The following NAA11 variants were observed in gnomAD, a reference collection of about 807,000 sequenced individuals.
NAA11 encodes the protein N-alpha-acetyltransferase 11, NatA catalytic subunit.
In NAA11, 15 loss-of-function variants were observed where a neutral mutation model predicts 16.1. The ratio of observed to expected loss-of-function variants is 0.93; its 90% CI spans 0.62 to 1.44. The LOEUF is 1.44. Ranked by LOEUF, NAA11 falls within the 40% of genes most tolerant of loss-of-function variation. The probability of loss-of-function intolerance (pLI) is 0.00; values close to 1 mark genes in which losing one functional copy is unlikely to be tolerated. For missense variants in NAA11, 298 were observed against 291.3 expected, an observed-to-expected ratio of 1.02 and a Z score of -0.17; for synonymous variants, 122 against 112.4, an observed-to-expected ratio of 1.09 and a Z score of -0.54.
chr4:79,268,867 A>T (rs1722413088), intron 2 of NAA11, among the ~76,000 whole-genome samples: 1 of 92,968 alleles, frequency 1.1e-5, no homozygotes, highest in Non-Finnish European at 2.0e-5. Flanking sequence ...CCACCCCACC[A>T]CAGTCCCCAG....
chr4:79,280,869 T>C (rs886507846), intron 2 of NAA11, among the ~76,000 whole-genome samples: 6 of 152,066 alleles, frequency 3.9e-5, no homozygotes, highest in African/African-American at 9.7e-5. Context: ...AGGGACTACA[T>C]TGAGGAAAGC....
chr4:79,181,615 G>T, the NAA11 span, among the ~76,000 whole-genome samples: 1 of 152,192 alleles, frequency 6.6e-6, no homozygotes, highest in Non-Finnish European at 1.5e-5. Context: ...TTATAGTTAA[G>T]TTTCTTGGTT....
downstream of NAA11, among the ~76,000 whole-genome samples, chr4:79,222,437 C>T (rs918303926): frequency 2.6e-4 from 39 of 150,810 alleles, no homozygotes; most frequent in African/African-American, 9.5e-4. Flanking sequence ...AACTGGCTAG[C>T]CATATGTAGA....
At chr4:79,297,512 A>C (rs961736762) in intron 1 of NAA11, among the ~76,000 whole-genome samples, 5 of 152,210 alleles carry the variant, frequency 3.3e-5, no homozygotes, top group Non-Finnish European at 7.3e-5. Flanking sequence ...CTGTCCCCTC[A>C]GGCTGGGCAG....
chr4:79,178,875 A>G, the NAA11 span, among the ~76,000 whole-genome samples: 1 of 152,212 alleles, frequency 6.6e-6, no homozygotes, highest in East Asian at 1.9e-4. Context: ...TGAAAGAAAA[A>G]GCATTACAGG....
At position 79,263,857 on chromosome 4, in the gene NAA11, A is replaced by G. The variant is rs77694801; in HGVS notation, c.*122+30148T>C. ...CACTTCCACTTTATCTTCACTAAGG[A>G]AATAAAAGCCAAATGAAGACAACCT... On this transcript the variant is annotated intron_variant and NMD_transcript_variant, in intron 2 of 2. Transcript: ENST00000511542. Among the ~76,000 whole-genome samples the G allele has an allele frequency of 6.0e-3, 920 of 152,302 alleles. 21 individuals are homozygous for G. In the East Asian group the frequency reaches 0.08, roughly 13 times the overall value.
chr4:79,265,254 C>A (rs879886866), intron 2 of NAA11, among the ~76,000 whole-genome samples: 9 of 152,160 alleles, frequency 5.9e-5, no homozygotes, highest in Non-Finnish European at 1.2e-4. Flanking sequence ...CTCCAACTCA[C>A]CCTCATTTCT....
Position 79,325,467 on chromosome 4 carries a change from G to A in NAA11, c.411C>T (p.Tyr137=). The change falls in exon 1 of 2, where the codon TAC becomes TAT. Residue 137 remains tyrosine (Y), a synonymous_variant. Coordinates refer to ENST00000286794, the MANE Select transcript of NAA11 (RefSeq NM_032693.3). ...NFQISEVEPK[Y]YADGEDAYAM... is the part of the protein sequence containing the mutation. Reference sequence around the variant, plus strand: ...CATAAGCATCTTCCCCATCTGCATAGTATTTAGGTTCCACCTCACTAATCT... The same window carrying A: ...CATAAGCATCTTCCCCATCTGCATAATATTTAGGTTCCACCTCACTAATCT... 1 of 1,614,202 alleles carries A rather than the reference G, an allele frequency of 6.2e-7. No individual in the cohort carries two copies. The highest frequency in any genetic ancestry group is 8.5e-7 in the Non-Finnish European group (1 of 1,180,036).
rs4246719 is a variant in NAA11, at chr4:79,264,962, C to T, written c.*122+29043G>A. Among the ~76,000 whole-genome samples the T allele has an allele frequency of 7.8e-3, 1,191 of 152,282 alleles. 13 individuals carry two copies. The highest frequency in any genetic ancestry group is 0.027 in the African/African-American group (1,132 of 41,558). ...CCATATTCAAATACCCAATTGCCTA[C>T]TCATGTTCTCTGTTTGAATATCAAA... On this transcript the variant is annotated intron_variant and NMD_transcript_variant, in intron 2 of 2. Coordinates refer to the NAA11 transcript ENST00000511542.
At chr4:79,257,671 A>G (rs1396477742) in intron 2 of NAA11, among the ~76,000 whole-genome samples, 1 of 152,100 alleles carries the variant, frequency 6.6e-6, no homozygotes, top group Admixed American at 6.5e-5. Context: ...AAAGCTTTTT[A>G]AAATTTCTAA....
At chr4:79,289,572 T>G (rs1723031685) in intron 2 of NAA11, among the ~76,000 whole-genome samples, 1 of 152,186 alleles carries the variant, frequency 6.6e-6, no homozygotes, top group Admixed American at 6.5e-5. Flanking sequence ...ATGTTCCTTG[T>G]GAAGAAAAAG....
chr4:79,307,568 C>T (rs1214812779), intron 1 of NAA11, among the ~76,000 whole-genome samples: 2 of 152,004 alleles, frequency 1.3e-5, no homozygotes, highest in African/African-American at 4.8e-5. Context: ...TATGATCTTT[C>T]CTCTTCTTTT....
At chr4:79,202,623 T>TTTTATATATATA in the NAA11 span, among the ~76,000 whole-genome samples, 2 of 52,638 alleles carry the variant, frequency 3.8e-5, no homozygotes, top group African/African-American at 9.1e-5. Flanking sequence ...ATATATAGTT[T>TTTTATATATATA]TATATATATA....
chr4:79,216,080 T>A, the NAA11 span, among the ~76,000 whole-genome samples: 2 of 152,134 alleles, frequency 1.3e-5, no homozygotes, highest in Non-Finnish European at 1.5e-5. Flanking sequence ...AATTTTATTT[T>A]AAAAATATTA....
At chr4:79,297,475 C>G (rs543791878) in intron 1 of NAA11, among the ~76,000 whole-genome samples, 2 of 152,316 alleles carry the variant, frequency 1.3e-5, no homozygotes, top group African/African-American at 4.8e-5. Flanking sequence ...CTGCACTTTG[C>G]ACCCTCAGGA....
intron 2 of NAA11, among the ~76,000 whole-genome samples, chr4:79,236,594 AATTT>A (rs1321333822): frequency 1.3e-5 from 2 of 152,150 alleles, no homozygotes; most frequent in South Asian, 4.1e-4. Flanking sequence ...ATTTGAAAAA[AATTT>A]ATGAGTTAAT....
At chr4:79,210,093 A>C in the NAA11 span, among the ~76,000 whole-genome samples, 1 of 152,270 alleles carries the variant, frequency 6.6e-6, no homozygotes, top group Non-Finnish European at 1.5e-5. Context: ...CTAATTGAAG[A>C]GACAACCTGA....
intron 2 of NAA11, among the ~76,000 whole-genome samples, chr4:79,245,768 G>A (rs951074286): frequency 6.6e-6 from 1 of 150,494 alleles, no homozygotes; most frequent in African/African-American, 2.5e-5. Context: ...GGGAGGTAGG[G>A]GGGCGCCTCC....
At chr4:79,252,100 G>T (rs1478327343) in intron 2 of NAA11, among the ~76,000 whole-genome samples, 1 of 152,154 alleles carries the variant, frequency 6.6e-6, no homozygotes, top group Non-Finnish European at 1.5e-5. Flanking sequence ...GTCAAATATT[G>T]CATGTTCTCA....
Sources: gnomAD v4.1 joint callset for allele counts (sites outside exome capture counted in the v4.1 genomes callset) on GRCh38, gnomAD v4.1.1 for gene constraint, MANE v1.5 for transcripts, NCBI Gene and HGNC (gene_info 2026-07-23, HGNC 2026-07-21) for gene names.